GARIN1A: variants seen among roughly 807,000 people sequenced by gnomAD.
GARIN1A encodes Golgi-associated RAB2 interactor protein 1A.
At chr7:128,694,971 CATT>C in the GARIN1A span, among the ~76,000 whole-genome samples, 1 of 152,338 alleles carries the variant, frequency 6.6e-6, no homozygotes, top group Admixed American at 6.5e-5. Flanking sequence ...TGTGTACTGA[CATT>C]ATCTCTATAG....
the GARIN1A span, chr7:128,690,649 T>C: frequency 6.6e-6 from 1 of 152,224 alleles, no homozygotes; most frequent in Non-Finnish European, 1.5e-5. Context: ...AAAAAATCTT[T>C]TTCCACATGT....
At chr7:128,680,962 T>C in the GARIN1A span, among the ~76,000 whole-genome samples, 1 of 152,280 alleles carries the variant, frequency 6.6e-6, no homozygotes, top group East Asian at 1.9e-4. Flanking sequence ...AGATTCTTTC[T>C]GTAACAAGTA....
the GARIN1A span, among the ~76,000 whole-genome samples, chr7:128,707,381 T>A: frequency 6.6e-6 from 1 of 152,138 alleles, no homozygotes; most frequent in Non-Finnish European, 1.5e-5. Flanking sequence ...TGAAACTTTG[T>A]ACTCTTTGAC....
the GARIN1A span, among the ~76,000 whole-genome samples, chr7:128,705,142 T>G: frequency 6.6e-6 from 1 of 152,252 alleles, no homozygotes; most frequent in Admixed American, 6.5e-5. Context: ...ACTCACCTGC[T>G]GAAGGACATC....
At chr7:128,686,860 A>G in the GARIN1A span, 2 of 150,028 alleles carry the variant, frequency 1.3e-5, no homozygotes, top group Admixed American at 6.8e-5. Context: ...TGGGCAACAG[A>G]GCAAGATTCC....
At chr7:128,677,604 C>T in the GARIN1A span, 471,977 of 1,611,924 alleles carry the variant, frequency 0.29, 71,352 homozygotes, top group East Asian at 0.5. Context: ...AATCTACGAC[C>T]GGCTCCAGCG....
At chr7:128,679,743 A>C in the GARIN1A span, among the ~76,000 whole-genome samples, 4 of 151,812 alleles carry the variant, frequency 2.6e-5, no homozygotes, top group African/African-American at 4.8e-5. Context: ...TATGTTATTG[A>C]CTCTGAAGGT....
chr7:128,696,123 C>T, the GARIN1A span, among the ~76,000 whole-genome samples: 1 of 151,088 alleles, frequency 6.6e-6, no homozygotes, highest in African/African-American at 2.4e-5. Flanking sequence ...AGCTATTCTC[C>T]CACCTCAGCC....
At chr7:128,675,848 CA>C in the GARIN1A span, 1 of 1,586,814 alleles carries the variant, frequency 6.3e-7, no homozygotes, top group South Asian at 1.1e-5. Context: ...CCCCAGTCAT[CA>C]ACCTCAGCAG....
the GARIN1A span, among the ~76,000 whole-genome samples, chr7:128,700,978 G>A: frequency 6.6e-6 from 1 of 150,880 alleles, no homozygotes; most frequent in Non-Finnish European, 1.5e-5. Context: ...CTCCCCCACA[G>A]ATACCAAATC....
the GARIN1A span, among the ~76,000 whole-genome samples, chr7:128,699,471 C>G: frequency 2.2e-4 from 33 of 152,180 alleles, no homozygotes; most frequent in Non-Finnish European, 4.0e-4. Context: ...GATGCTTGCA[C>G]TCTCCTGATT....
chr7:128,688,775 TCCCCCTC>T, the GARIN1A span, among the ~76,000 whole-genome samples: 1 of 6,054 alleles, frequency 1.7e-4, no homozygotes, highest in Non-Finnish European at 3.4e-4. Context: ...CCCCCTCCCC[TCCCCCTC>T]CCCCTCCCCC....
chr7:128,688,523 A>G, the GARIN1A span, among the ~76,000 whole-genome samples: 3 of 152,082 alleles, frequency 2.0e-5, no homozygotes, highest in African/African-American at 7.2e-5. Context: ...TCCCTCCTAT[A>G]CTACCATTCC....
chr7:128,672,649 A>AGGGGGGGGGGGG, the GARIN1A span: 4 of 124,336 alleles, frequency 3.2e-5, no homozygotes, highest in Non-Finnish European at 5.0e-5. Flanking sequence ...GCCCTGGGGG[A>AGGGGGGGGGGGG]GGGGGGGGCG....
At chr7:128,701,346 GAGGGGAGGGGA>G in the GARIN1A span, among the ~76,000 whole-genome samples, 1 of 29,856 alleles carries the variant, frequency 3.3e-5, no homozygotes, top group African/African-American at 1.3e-4. Flanking sequence ...AGGGGAGGGG[GAGGGGAGGGGA>G]AGGGGAGGGG....
chr7:128,672,891 G>C, the GARIN1A span, among the ~76,000 whole-genome samples: 520 of 152,330 alleles, frequency 3.4e-3, 6 homozygotes, highest in African/African-American at 0.012. Flanking sequence ...GTTGCTGTTA[G>C]AAACTCTGCT....
chr7:128,703,343 G>A, the GARIN1A span, among the ~76,000 whole-genome samples: 25 of 152,194 alleles, frequency 1.6e-4, no homozygotes, highest in Non-Finnish European at 3.1e-4. Flanking sequence ...ATCAGACCAC[G>A]ACAAAATTAA....
At chr7:128,689,223 C>T in the GARIN1A span, among the ~76,000 whole-genome samples, 1 of 152,178 alleles carries the variant, frequency 6.6e-6, no homozygotes, top group Admixed American at 6.5e-5. Context: ...CAGCCGCCAC[C>T]CCGTCTGGGA....
chr7:128,688,161 G>A, the GARIN1A span, among the ~76,000 whole-genome samples: 8 of 152,096 alleles, frequency 5.3e-5, no homozygotes, highest in South Asian at 2.1e-4. Flanking sequence ...AAAGGCACGC[G>A]CCACCACATC....
Sources: gnomAD v4.1 joint callset for allele counts (sites outside exome capture counted in the v4.1 genomes callset) on GRCh38, gnomAD v4.1.1 for gene constraint, MANE v1.5 for transcripts, NCBI Gene and HGNC (gene_info 2026-07-23, HGNC 2026-07-21) for gene names.